ITIH5: variants seen among roughly 807,000 people sequenced by gnomAD.
The protein encoded by ITIH5 is inter-alpha-trypsin inhibitor heavy chain 5, also known as inter-alpha-trypsin inhibitor heavy chain H5.
In ITIH5, 65 loss-of-function variants were observed where a neutral mutation model predicts 77.5. The observed-to-expected ratio is 0.84, with a 90% confidence interval of 0.69 to 1.03. The LOEUF (loss-of-function observed/expected upper bound fraction) is 1.03. Among genes scored for constraint, ITIH5 ranks in the 50% least tolerant of loss-of-function variants. ITIH5 has a pLI of 0.00. For missense variants in ITIH5, 1,208 were observed against 1,213.1 expected (o/e 1.00, Z 0.06); for synonymous variants, 525 against 494.3 (o/e 1.06, Z -0.82).
intron 7 of ITIH5, among the ~76,000 whole-genome samples, chr10:7,587,934 G>A (rs535992348): frequency 7.9e-5 from 12 of 152,240 alleles, no homozygotes; most frequent in Non-Finnish European, 1.2e-4. Flanking sequence ...CACTGCTTTC[G>A]TATCCTTTCC....
chr10:7,574,580 T>C (rs1832368395), intron 10 of ITIH5, among the ~76,000 whole-genome samples: 1 of 151,844 alleles, frequency 6.6e-6, no homozygotes, highest in African/African-American at 2.4e-5. Context: ...GATCACAAGG[T>C]CAGGAGATTG....
At chr10:7,609,862 A>C (rs1259710262) in intron 7 of ITIH5, among the ~76,000 whole-genome samples, 1 of 152,074 alleles carries the variant, frequency 6.6e-6, no homozygotes, top group African/African-American at 2.4e-5. Context: ...TATGAATGTG[A>C]AAGTAGTAGA....
At chr10:7,608,625 A>C (rs1459485919) in intron 7 of ITIH5, among the ~76,000 whole-genome samples, 1 of 152,178 alleles carries the variant, frequency 6.6e-6, no homozygotes, top group Non-Finnish European at 1.5e-5. Flanking sequence ...CATAGTCTGA[A>C]GAAGGCAGCT....
At chr10:7,588,754 G>A (rs760620704) in intron 7 of ITIH5, among the ~76,000 whole-genome samples, 5 of 152,184 alleles carry the variant, frequency 3.3e-5, no homozygotes, top group Admixed American at 6.5e-5. Context: ...TGCATTTCCC[G>A]GGAGCTTCCT....
At chr10:7,613,602 G>T (rs945442737) in intron 7 of ITIH5, among the ~76,000 whole-genome samples, 1 of 152,044 alleles carries the variant, frequency 6.6e-6, no homozygotes, top group African/African-American at 2.4e-5. Context: ...TTCCCAGTAA[G>T]AACTAAAAAA....
chr10:7,562,562 G>T lies in ITIH5; in HGVS notation c.*521C>A. 1 of 157,574 alleles carries T rather than the reference G, an allele frequency of 6.3e-6. No individual in the cohort carries two copies. Among genetic ancestry groups the T allele is most frequent in the Non-Finnish European group, 1.4e-5 (1 of 71,046 alleles). The allele number at this position is 157,574 out of a possible 1,614,324, so 9.8% of individuals were successfully genotyped here. A position where few individuals can be genotyped will look rare whatever the true frequency, so the allele number is the denominator to read the frequency against. ...TGTATGGGCTATTTGCCTGATTGGTGGCCTGGACTCAGCAAGAGATTCCTT... is the reference window on the plus strand; with the variant it reads ...TGTATGGGCTATTTGCCTGATTGGTTGCCTGGACTCAGCAAGAGATTCCTT... On this transcript the variant is annotated 3_prime_UTR_variant, in exon 14 of 14. Coordinates refer to ENST00000397146, the MANE Select transcript of ITIH5 (RefSeq NM_030569.7).
intron 7 of ITIH5, among the ~76,000 whole-genome samples, chr10:7,599,926 A>G (rs1266519482): frequency 6.6e-6 from 1 of 152,176 alleles, no homozygotes; most frequent in Non-Finnish European, 1.5e-5. Context: ...CTGGAGACGG[A>G]GATTTCTGTT....
rs552128803 is a variant in ITIH5, at chr10:7,574,516, G to A, written c.1979-1321C>T. On this transcript the variant is annotated intron_variant, in intron 10 of 13. Transcript: ENST00000397146. Reference sequence around the variant, plus strand: ...AAAAACAAAAAACAAAAAACCGGCCGGGCGCAGTGGCTCATGCCTGTAATC... The same window carrying A: ...AAAAACAAAAAACAAAAAACCGGCCAGGCGCAGTGGCTCATGCCTGTAATC... 4.6e-5 allele frequency among the ~76,000 whole-genome samples: 7 copies of A among 152,212 alleles called. No homozygotes were observed. The East Asian group carries it at 5.8e-4, about 13-fold the overall frequency.
intron 7 of ITIH5, among the ~76,000 whole-genome samples, chr10:7,610,367 T>C (rs1833220173): frequency 6.6e-6 from 1 of 152,198 alleles, no homozygotes; most frequent in Non-Finnish European, 1.5e-5. Context: ...CAGGTGCCAA[T>C]ATACCCCTTA....
intron 10 of ITIH5, among the ~76,000 whole-genome samples, chr10:7,576,036 T>A (rs1230977512): frequency 6.6e-6 from 1 of 152,164 alleles, no homozygotes; most frequent in Non-Finnish European, 1.5e-5. Context: ...GGTTGGTTGT[T>A]TTTTTAGAGA....
chr10:7,637,864 C>T (rs1469470557), intron 4 of ITIH5, among the ~76,000 whole-genome samples: 1 of 152,158 alleles, frequency 6.6e-6, no homozygotes, highest in Non-Finnish European at 1.5e-5. Context: ...TGGCATTTTA[C>T]ATAACTTTAA....
chr10:7,563,562 T>C (rs959497590), intron 13 of ITIH5, among the ~76,000 whole-genome samples, 178 bp from the exon 14 acceptor site: 1 of 152,200 alleles, frequency 6.6e-6, no homozygotes, highest in Non-Finnish European at 1.5e-5. Context: ...GAGCTGAGGA[T>C]TTATCCACAT....
intron 13 of ITIH5, 28 bp from the exon 14 acceptor site, chr10:7,563,412 C>T: frequency 6.3e-7 from 1 of 1,598,682 alleles, no homozygotes; most frequent in South Asian, 1.1e-5. Flanking sequence ...AGCATCGGGT[C>T]TCAGTCAAAT....
intron 12 of ITIH5, 28 bp from the exon 13 acceptor site, chr10:7,566,435 G>A (rs1342570223): frequency 6.4e-6 from 10 of 1,567,788 alleles, no homozygotes; most frequent in Non-Finnish European, 8.7e-6. Flanking sequence ...AAAGAAGAAG[G>A]TTAGAAAATC....
chr10:7,576,430 T>G (rs781030102), intron 10 of ITIH5, 23 bp downstream of exon 10: 1 of 1,526,974 alleles, frequency 6.5e-7, no homozygotes, highest in African/African-American at 1.4e-5. Flanking sequence ...CCCCCACACC[T>G]GGCTGGCACA....
chr10:7,617,594 T>C (rs1833395467), intron 5 of ITIH5: 1 of 188,028 alleles, frequency 5.3e-6, no homozygotes, highest in African/African-American at 2.3e-5. Context: ...ACCTTTTGTA[T>C]GTTTTTATCT....
At position 7,619,642 on chromosome 10, in the gene ITIH5, C is replaced by T. The variant is rs1383897782; in HGVS notation, c.653-2360G>A. 4.2e-5 allele frequency: 15 copies of T among 356,950 alleles called. No homozygotes were observed. The East Asian group carries it at 1.0e-3, about 24-fold the overall frequency. The allele number at this position is 356,950 out of a possible 1,614,324, so 22.1% of individuals were successfully genotyped here. ...AATCACGCAGAAGGCAAACGCAAAG[C>T]GAACACGTCTACAAGGCGGCAGGAG... On this transcript the variant is annotated intron_variant, in intron 5 of 13. Coordinates refer to ENST00000397146, the MANE Select transcript of ITIH5 (RefSeq NM_030569.7).
In ITIH5 at chr10:7,559,360, T is replaced by C. The variant is rs570917261; in HGVS notation, c.*3723A>G. On this transcript the variant is annotated 3_prime_UTR_variant, in exon 14 of 14. Coordinates refer to ENST00000397146, the MANE Select transcript of ITIH5 (RefSeq NM_030569.7). ...CAGACCAATATGTTGTTTGTTTTTA[T>C]GCATCGTTCTCTTATAAATTTTTTG... 1 of 147,742 alleles carries C rather than the reference T, an allele frequency of 6.8e-6. No individual in the cohort carries two copies. The highest frequency in any genetic ancestry group is 1.9e-4 in the East Asian group (1 of 5,176). The allele number at this position is 147,742 out of a possible 1,614,324, so 9.2% of individuals were successfully genotyped here.
chr10:7,656,373 T>A (rs1046810555), intron 1 of ITIH5, among the ~76,000 whole-genome samples: 7 of 152,064 alleles, frequency 4.6e-5, no homozygotes, highest in Non-Finnish European at 8.8e-5. Flanking sequence ...AGCCGCCAGA[T>A]CGGGGTCATT....
Sources: allele counts gnomAD v4.1 joint callset (sites outside exome capture counted in the v4.1 genomes callset), GRCh38; gene constraint gnomAD v4.1.1; transcripts MANE v1.5; gene names NCBI Gene and HGNC (gene_info 2026-07-23, HGNC 2026-07-21).